SLC6A4: variants seen among roughly 807,000 people sequenced by gnomAD.
The protein encoded by SLC6A4 is solute carrier family 6 member 4.
In SLC6A4, 22 loss-of-function variants were observed where a neutral mutation model predicts 73.4. The observed-to-expected ratio is 0.30, with a 90% CI of 0.21 to 0.43. The LOEUF (loss-of-function observed/expected upper bound fraction) is 0.43. SLC6A4 is among the 20% of genes least tolerant of loss of function. The pLI is 1.00. For missense variants in SLC6A4, 593 were observed against 808.5 expected, an observed-to-expected ratio of 0.73 and a Z score of 3.23; for synonymous variants, 270 against 315.5, an observed-to-expected ratio of 0.86 and a Z score of 1.53.
At chr17:30,208,805 C>T (rs926155627) in intron 12 of SLC6A4, among the ~76,000 whole-genome samples, 1 of 152,190 alleles carries the variant, frequency 6.6e-6, no homozygotes, top group African/African-American at 2.4e-5. Flanking sequence ...AATTCTCCTG[C>T]CTCAGCCTCC....
chr17:30,223,216 G>A (rs1403010392), intron 1 of SLC6A4, among the ~76,000 whole-genome samples: 1 of 152,230 alleles, frequency 6.6e-6, no homozygotes, highest in Non-Finnish European at 1.5e-5. Context: ...TCTTGAAACA[G>A]TTTGGGAGTT....
chr17:30,208,526 C>T (rs985798027), intron 12 of SLC6A4, among the ~76,000 whole-genome samples: 1 of 152,030 alleles, frequency 6.6e-6, no homozygotes, highest in Non-Finnish European at 1.5e-5. Context: ...GATTCACACA[C>T]TTGAACTTGG....
chr17:30,196,115 G>C lies in SLC6A4; in HGVS notation c.*2341C>G, dbSNP rs1325847391. The C allele has an allele frequency of 6.6e-6, 1 of 152,022 alleles. No individual in the cohort carries two copies. The highest frequency in any genetic ancestry group is 1.5e-5 in the Non-Finnish European group (1 of 68,010). The allele number at this position is 152,022 out of a possible 1,614,324, so 9.4% of individuals were successfully genotyped here. On this transcript the variant is annotated 3_prime_UTR_variant, in exon 15 of 15. Transcript: ENST00000650711. ...TTACAGGTGTGAGTCACTGCACCCA[G>C]CCTCTTGGGTATTTCTTACTGATAC...
At chr17:30,224,379 G>A (rs1447653568) in intron 1 of SLC6A4, among the ~76,000 whole-genome samples, 3 of 152,020 alleles carry the variant, frequency 2.0e-5, no homozygotes, top group East Asian at 1.9e-4. Flanking sequence ...CACCATGCCC[G>A]GCTAATTTTT....
Position 30,218,864 on chromosome 17 carries a change from G to C in SLC6A4, c.411C>G (p.Leu137=). The C allele has an allele frequency of 1.2e-6, 2 of 1,613,794 alleles. No individual in the cohort carries two copies. Among genetic ancestry groups the C allele is most frequent in the Non-Finnish European group, 1.7e-6 (2 of 1,179,896 alleles). Residue 137 remains leucine, a synonymous_variant, in exon 4 of 15, where the codon CTC becomes CTG. Coordinates refer to ENST00000650711, the MANE Select transcript of SLC6A4 (RefSeq NM_001045.6). ...FGGIPLFYME[L]ALGQYHRNGC... ...CATTTCGGTGGTACTGTCCCAGTGC[G>C]AGCTCCATGTAAAAGAGCGGGATTC...
intron 13 of SLC6A4, 53 bp from the exon 14 acceptor site, chr17:30,203,392 T>A: frequency 6.8e-7 from 1 of 1,477,726 alleles, no homozygotes; most frequent in Non-Finnish European, 9.3e-7. Flanking sequence ...TCCACTCAGA[T>A]AGAGATGTTT....
intron 7 of SLC6A4, 59 bp from the exon 8 acceptor site, chr17:30,215,773 A>C (rs1186614543): frequency 6.9e-7 from 1 of 1,444,538 alleles, no homozygotes; most frequent in African/African-American, 1.4e-5. Context: ...TTACCCTGGC[A>C]CCAACAGGGT....
At position 30,217,178 on chromosome 17, in the gene SLC6A4, C is replaced by A; in HGVS notation, c.825G>T (p.Lys275Asn). 6.2e-7 allele frequency: 1 copy of A among 1,613,920 alleles called. No homozygotes were observed. The highest frequency in any genetic ancestry group is 8.5e-7 in the Non-Finnish European group (1 of 1,179,884). ...VIYFSIWKGV[K>N]TSGKVVWVTA... ...GAGCCTTCCTCACCTTGCCAGAGGT[C>A]TTGACGCCTTTCCAGATGCTGAAGT... The change falls in exon 6 of 15, where the codon AAG (lysine) becomes AAT (asparagine). Residue 275 changes from lysine (K) to asparagine (N), a missense_variant. Coordinates refer to ENST00000650711, the MANE Select transcript of SLC6A4 (RefSeq NM_001045.6).
chr17:30,211,632 C>T lies in SLC6A4; in HGVS notation c.1205-208G>A, dbSNP rs1309849366. ...TTCCTGGGAGGCAGGAAGGGTGGGG[C>T]TTCCATCTTGAAAACTGTGTGCCCT... is the stretch of plus-strand genomic sequence containing the variant. On this transcript the variant is annotated intron_variant, in intron 9 of 14. Coordinates refer to ENST00000650711, the MANE Select transcript of SLC6A4 (RefSeq NM_001045.6). This position sits in a 1 kb window ranked among gnomAD's most constrained non-coding sequence, Gnocchi z 4.0. 1.3e-5 allele frequency among the ~76,000 whole-genome samples: 2 copies of T among 152,210 alleles called. No homozygotes were observed. The highest frequency in any genetic ancestry group is 2.9e-5 in the Non-Finnish European group (2 of 68,038).
chr17:30,208,113 G>A (rs921458402), intron 12 of SLC6A4, among the ~76,000 whole-genome samples: 2 of 152,192 alleles, frequency 1.3e-5, no homozygotes, highest in African/African-American at 4.8e-5. Flanking sequence ...TAGGGTGGGA[G>A]GACGGATGGG....
chr17:30,214,634 C>CTTTTTTTTTT (rs753290326), intron 8 of SLC6A4, among the ~76,000 whole-genome samples: 3 of 132,362 alleles, frequency 2.3e-5, no homozygotes, highest in African/African-American at 5.7e-5. Context: ...TTCTTTCTTT[C>CTTTTTTTTTT]TTTTTTTTTT....
intron 14 of SLC6A4, among the ~76,000 whole-genome samples, chr17:30,202,223 C>T (rs55772811): frequency 0.024 from 3,611 of 152,272 alleles, 140 homozygotes; most frequent in African/African-American, 0.083. Flanking sequence ...AGCCCACCTC[C>T]GTTCTCAGGC....
chr17:30,229,548 C>T (rs1042207679), intron 1 of SLC6A4, among the ~76,000 whole-genome samples: 9 of 152,028 alleles, frequency 5.9e-5, no homozygotes, highest in African/African-American at 2.2e-4. Flanking sequence ...CTTTTAGGCA[C>T]TTTTGAGGTC....
At chr17:30,206,697 T>TTTTTCTTTTC (rs10646168) in intron 13 of SLC6A4, among the ~76,000 whole-genome samples, 13 of 107,574 alleles carry the variant, frequency 1.2e-4, no homozygotes, top group Admixed American at 2.3e-4. Context: ...TCAATCTCCT[T>TTTTTCTTTTC]TTTTCTTTTC....
intron 1 of SLC6A4, among the ~76,000 whole-genome samples, chr17:30,230,116 A>AGAGGAG (rs1176210143): frequency 6.0e-5 from 8 of 134,076 alleles, no homozygotes; most frequent in African/African-American, 2.1e-4. Context: ...AGGAAGAGGA[A>AGAGGAG]GAGGAAGAGG....
intron 1 of SLC6A4, among the ~76,000 whole-genome samples, chr17:30,230,537 A>G (rs1907081471): frequency 6.6e-6 from 1 of 152,212 alleles, no homozygotes; most frequent in Non-Finnish European, 1.5e-5. Context: ...AAACAGAGAG[A>G]AGAGAGGAAA....
chr17:30,218,210 G>A lies in SLC6A4; in HGVS notation c.606C>T (p.Asn202=). ...TDQLPWTSCK[N]SWNTGNCTNY... The stretch of plus-strand genomic sequence containing the variant: ...TGGTGCAGTTGCCAGTGTTCCAGGA[G>A]TTCTTGCAGCTGGTCCAGGGCAGCT... Residue 202 remains asparagine (N), a synonymous_variant, in exon 5 of 15, where the codon AAC becomes AAT. Coordinates refer to ENST00000650711, the MANE Select transcript of SLC6A4 (RefSeq NM_001045.6). 2 of 1,614,234 alleles carry A rather than the reference G, an allele frequency of 1.2e-6. No homozygotes were observed. The highest frequency in any genetic ancestry group is 1.3e-5 in the African/African-American group (1 of 75,056).
chr17:30,221,574 C>T, intron 3 of SLC6A4, 42 bp downstream of exon 3: 1 of 1,561,660 alleles, frequency 6.4e-7, no homozygotes, highest in South Asian at 1.2e-5. Context: ...GGTCACAGCC[C>T]ACCCTGGGTC....
chr17:30,230,278 C>A (rs575399504), intron 1 of SLC6A4, among the ~76,000 whole-genome samples: 1 of 152,078 alleles, frequency 6.6e-6, no homozygotes, highest in Non-Finnish European at 1.5e-5. Context: ...TAAATGTGGA[C>A]GAGGCTGGGA....
Sources: allele counts gnomAD v4.1 joint callset (sites outside exome capture counted in the v4.1 genomes callset), GRCh38; gene constraint gnomAD v4.1.1; non-coding constraint Gnocchi (gnomAD v3.1); transcripts MANE v1.5; gene names NCBI Gene and HGNC (gene_info 2026-07-23, HGNC 2026-07-21).